Variants in LRRK1 observed in about 807,000 individuals in gnomAD.
LRRK1 encodes the protein leucine rich repeat kinase 1.
A neutral mutation model predicts 209.1 loss-of-function variants in LRRK1; 113 were observed. The ratio of observed to expected loss-of-function variants is 0.54; its 90% CI spans 0.46 to 0.63. The LOEUF (loss-of-function observed/expected upper bound fraction) is 0.63, where lower values mean the gene tolerates loss of function less well. LRRK1 is among the 30% of genes least tolerant of loss of function. The probability of loss-of-function intolerance (pLI) is 0.00; values close to 1 mark genes in which losing one functional copy is unlikely to be tolerated. For missense variants in LRRK1, 2,284 were observed against 2,632.2 expected, an observed-to-expected ratio of 0.87 and a Z score of 2.89; for synonymous variants, 1,144 against 1,099.7, an observed-to-expected ratio of 1.04 and a Z score of -0.80.
intron 5 of LRRK1, 49 bp from the exon 6 acceptor site, chr15:100,989,201 G>A: frequency 2.0e-6 from 3 of 1,481,682 alleles, no homozygotes; most frequent in Non-Finnish European, 2.8e-6. Context: ...TCCAACGACT[G>A]TGACACTAGC....
chr15:101,006,691 TG>T (rs1401100993), intron 6 of LRRK1, among the ~76,000 whole-genome samples: 1 of 152,226 alleles, frequency 6.6e-6, no homozygotes, highest in African/African-American at 2.4e-5. Flanking sequence ...AGCATCACGA[TG>T]TATAATTTAC....
In LRRK1 at chr15:100,983,065, C is replaced by T. The variant is rs28373982; in HGVS notation, c.262-463C>T. 7.8e-3 allele frequency among the ~76,000 whole-genome samples: 1,185 copies of T among 152,228 alleles called. 19 individuals are homozygous for T. Among genetic ancestry groups the T allele is most frequent in the African/African-American group, 0.026 (1,099 of 41,528 alleles). On this transcript the variant is annotated intron_variant, in intron 3 of 33. Transcript: ENST00000388948. ...TGGCATGTGCCTGCAGTCCCAGCTA[C>T]GCAGGAAGCTGAGGCAGGGGGATCA...
chr15:101,054,754 G>A (rs2035694494), intron 26 of LRRK1, among the ~76,000 whole-genome samples, 192 bp from the exon 27 acceptor site: 1 of 152,158 alleles, frequency 6.6e-6, no homozygotes, highest in Non-Finnish European at 1.5e-5. Flanking sequence ...AGAGGTTGCA[G>A]TGAGCCAAGA....
rs1567208227 is a variant in LRRK1 at position 100,972,357 on chromosome 15, AGAGAGAGTGTGTGTGTGTGTGTGT to A, written c.98-1445_98-1422del. Among the ~76,000 whole-genome samples the A allele has an allele frequency of 2.3e-3, 224 of 95,972 alleles. 3 individuals are homozygous for A. The East Asian group carries it at 0.077, about 33-fold the overall frequency. The allele number at this position is 95,972 out of a possible 152,430, so 63.0% of individuals were successfully genotyped here. A position where few individuals can be genotyped will look rare whatever the true frequency, so the allele number is the denominator to read the frequency against. On this transcript the variant is annotated intron_variant, in intron 2 of 33. Coordinates refer to ENST00000388948, the MANE Select transcript of LRRK1 (RefSeq NM_024652.6). ...ATATGAGAGAGAGAGAGAGAGAGAGAGAGAGAGTGTGTGTGTGTGTGTGTGTGTGTGTGTGTGTGTGTGTGTTTT... is the reference window on the plus strand; with the variant it reads ...ATATGAGAGAGAGAGAGAGAGAGAGAGTGTGTGTGTGTGTGTGTGTGTTTT...
intron 23 of LRRK1, 40 bp downstream of exon 23, chr15:101,049,823 A>C (rs1177714195): frequency 6.3e-7 from 1 of 1,589,688 alleles, no homozygotes; most frequent in African/African-American, 1.4e-5. Context: ...ATTCATGCTA[A>C]TATTTCTTAT....
chr15:101,067,101 G>T, intron 33 of LRRK1: 1 of 361,640 alleles, frequency 2.8e-6, no homozygotes, highest in Non-Finnish European at 5.5e-6. Flanking sequence ...CCTACCCGAG[G>T]TGTCCACCAG....
intron 2 of LRRK1, among the ~76,000 whole-genome samples, chr15:100,955,339 A>G (rs1265037410): frequency 1.3e-5 from 2 of 152,084 alleles, no homozygotes; most frequent in East Asian, 3.8e-4. Flanking sequence ...GATTTTTTGT[A>G]TGTTGATTTT....
intron 1 of LRRK1, among the ~76,000 whole-genome samples, chr15:100,922,155 G>A (rs2141588392): frequency 6.6e-6 from 1 of 152,224 alleles, no homozygotes; most frequent in East Asian, 1.9e-4. Flanking sequence ...TCTTTAGGGT[G>A]TATAATGAAG....
Position 101,010,487 on chromosome 15 carries a change from C to T in LRRK1, c.1027C>T (p.His343Tyr). ...EIDISSNKLS[H>Y]LPPGFLHLSK... ...TGACATTTCCAGCAACAAGTTGTCC[C>T]ACCTCCCTCCTGGATTCTTGCACCT... The change falls in exon 8 of 34, where the codon CAC becomes TAC. Residue 343 changes from histidine (H) to tyrosine (Y), a missense_variant. Physicochemically the swap from His to Tyr is moderately conservative, Grantham distance 83. Transcript: ENST00000388948. 6.2e-7 allele frequency: 1 copy of T among 1,612,038 alleles called. No homozygotes were observed. The highest frequency in any genetic ancestry group is 8.5e-7 in the Non-Finnish European group (1 of 1,179,520).
At chr15:101,011,883 A>G (rs1001714215) in intron 9 of LRRK1, 125 bp from the exon 10 acceptor site, 1 of 711,048 alleles carries the variant, frequency 1.4e-6, no homozygotes, top group Non-Finnish European at 2.4e-6. Context: ...ACACTCAGTC[A>G]TCTTCATTAC....
At chr15:101,017,540 G>A (rs1053474693) in intron 12 of LRRK1, among the ~76,000 whole-genome samples, 2 of 152,082 alleles carry the variant, frequency 1.3e-5, no homozygotes, top group Non-Finnish European at 2.9e-5. Context: ...GAGCATCAGC[G>A]CCACCTCCTG....
At chr15:100,940,421 A>C (rs1488455259) in intron 2 of LRRK1, among the ~76,000 whole-genome samples, 1 of 152,214 alleles carries the variant, frequency 6.6e-6, no homozygotes, top group East Asian at 1.9e-4. Flanking sequence ...ACTTCAAAAA[A>C]TATCTTCAAT....
intron 2 of LRRK1, among the ~76,000 whole-genome samples, chr15:100,973,503 G>T (rs1032908601): frequency 6.6e-6 from 1 of 152,190 alleles, no homozygotes; most frequent in African/African-American, 2.4e-5. Context: ...CGGCGAGGTC[G>T]GCCCGGCCGC....
intron 31 of LRRK1, chr15:101,065,011 A>AAGGC (rs1187628892): frequency 3.1e-6 from 1 of 320,572 alleles, no homozygotes; most frequent in Admixed American, 4.7e-5. Flanking sequence ...CCTCAAGGAG[A>AAGGC]AGGCAGCTCC....
At chr15:100,946,305 G>A (rs530802193) in intron 2 of LRRK1, among the ~76,000 whole-genome samples, 38 of 152,156 alleles carry the variant, frequency 2.5e-4, no homozygotes, top group Non-Finnish European at 4.0e-4. Context: ...GGTGGGGAGG[G>A]GATGGGGTGA....
chr15:101,071,810 G>C lies in LRRK1; in HGVS notation c.*2962G>C, dbSNP rs753682521. On this transcript the variant is annotated 3_prime_UTR_variant, in exon 34 of 34. Coordinates refer to ENST00000388948, the MANE Select transcript of LRRK1 (RefSeq NM_024652.6). ...GCAATTCGTGGCTTGGCCTAGGAAC[G>C]TTACATTTGACTGAGGCTGGCGAGG... 1 of 152,282 alleles carries C rather than the reference G, an allele frequency of 6.6e-6. No homozygotes were observed. Among genetic ancestry groups the C allele is most frequent in the African/African-American group, 2.4e-5 (1 of 41,466 alleles). The allele number at this position is 152,282 out of a possible 1,614,324, so 9.4% of individuals were successfully genotyped here.
chr15:101,013,878 G>A (rs1022665405), intron 10 of LRRK1, among the ~76,000 whole-genome samples: 7 of 152,082 alleles, frequency 4.6e-5, no homozygotes, highest in African/African-American at 1.7e-4. Flanking sequence ...ACCTGGGCTG[G>A]CCCAGGAGGC....
At chr15:101,015,266 G>A in intron 11 of LRRK1, 60 bp from the exon 12 acceptor site, 2 of 1,369,572 alleles carry the variant, frequency 1.5e-6, no homozygotes, top group Non-Finnish European at 2.1e-6. Context: ...TAACATCACA[G>A]CCAAAAGTAA....
intron 2 of LRRK1, among the ~76,000 whole-genome samples, chr15:100,965,766 T>C (rs1032435880): frequency 6.6e-6 from 1 of 152,182 alleles, no homozygotes; most frequent in African/African-American, 2.4e-5. Flanking sequence ...AATACTTCAT[T>C]GGAATGTATT....
Sources: gnomAD v4.1 joint callset for allele counts (sites outside exome capture counted in the v4.1 genomes callset) on GRCh38, gnomAD v4.1.1 for gene constraint, MANE v1.5 for transcripts, NCBI Gene and HGNC (gene_info 2026-07-23, HGNC 2026-07-21) for gene names.